Variants in KCNH5 observed in about 807,000 individuals in gnomAD.
The protein encoded by KCNH5 is potassium voltage-gated channel subfamily H member 5.
A neutral mutation model predicts 96.1 loss-of-function variants in KCNH5; 46 were observed. The observed-to-expected ratio is 0.48, with a 90% confidence interval of 0.38 to 0.61. The LOEUF is 0.61. Among genes scored for constraint, KCNH5 ranks in the 20% least tolerant of loss-of-function variants. The pLI is 0.00. For missense variants in KCNH5, 907 were observed against 1,225.8 expected (o/e 0.74, Z 3.88); for synonymous variants, 439 against 449.8 (o/e 0.98, Z 0.30).
At chr14:62,853,666 A>G (rs1489762382) in intron 7 of KCNH5, among the ~76,000 whole-genome samples, 2 of 151,310 alleles carry the variant, frequency 1.3e-5, no homozygotes, top group Non-Finnish European at 1.5e-5. Context: ...ACTCTTCTCC[A>G]TGATCCTCAC....
intron 7 of KCNH5, among the ~76,000 whole-genome samples, chr14:62,889,441 T>C (rs374407863): frequency 9.2e-5 from 14 of 152,278 alleles, no homozygotes; most frequent in African/African-American, 3.4e-4. Flanking sequence ...ATATCATGCA[T>C]GACAAAGCCA....
At chr14:63,039,345 G>A (rs1370776504) in intron 1 of KCNH5, among the ~76,000 whole-genome samples, 1 of 151,916 alleles carries the variant, frequency 6.6e-6, no homozygotes, top group African/African-American at 2.4e-5. Context: ...ATTTAGCTCT[G>A]TATTTAATTT....
chr14:62,858,700 G>T (rs1439430950), intron 7 of KCNH5, among the ~76,000 whole-genome samples: 1 of 152,144 alleles, frequency 6.6e-6, no homozygotes, highest in Non-Finnish European at 1.5e-5. Context: ...ATCCCTAGGG[G>T]TGATGGTGAA....
At chr14:62,806,924 G>A (rs946682920) in intron 8 of KCNH5, among the ~76,000 whole-genome samples, 1 of 152,072 alleles carries the variant, frequency 6.6e-6, no homozygotes, top group Non-Finnish European at 1.5e-5. Context: ...CAGGATTGTG[G>A]GATATGGGGA....
chr14:62,986,908 A>G (rs1297782404), intron 5 of KCNH5, among the ~76,000 whole-genome samples, 164 bp downstream of exon 5: 2 of 152,200 alleles, frequency 1.3e-5, no homozygotes, highest in Non-Finnish European at 2.9e-5. Flanking sequence ...GTTGGAGAGA[A>G]TGAATAGAAA....
intron 10 of KCNH5, among the ~76,000 whole-genome samples, chr14:62,732,798 C>A (rs1885078068): frequency 6.6e-6 from 1 of 152,146 alleles, no homozygotes; most frequent in Admixed American, 6.6e-5. Context: ...CTAGAGATGT[C>A]TCCATGGGCT....
intron 10 of KCNH5, among the ~76,000 whole-genome samples, chr14:62,761,090 C>T (rs1020423524): frequency 7.2e-5 from 11 of 152,152 alleles, no homozygotes; most frequent in African/African-American, 2.7e-4. Flanking sequence ...CAGGGTGGCT[C>T]ACCCCTGTAA....
rs2139956789 is a variant in KCNH5 at position 62,761,911 on chromosome 14, G to A, written c.2019+17817C>T. On this transcript the variant is annotated intron_variant, in intron 10 of 10. Coordinates refer to ENST00000322893, the MANE Select transcript of KCNH5 (RefSeq NM_139318.5). ...GGATGCAGACCCTGGGGTGAAGGGA[G>A]AGCAAGCTGGAAATCTTGCATGGGA... Among the ~76,000 whole-genome samples, 2 of 152,258 alleles carry A rather than the reference G, an allele frequency of 1.3e-5. 1 individual carries two copies. Among genetic ancestry groups the A allele is most frequent in the South Asian group, 4.1e-4 (2 of 4,822 alleles).
rs1232525985 is a variant in KCNH5, at chr14:62,707,498, T to C, written c.*10A>G. 1.5e-6 allele frequency: 2 copies of C among 1,313,192 alleles called. No individual in the cohort carries two copies. Among genetic ancestry groups the C allele is most frequent in the South Asian group, 4.2e-5 (2 of 47,772 alleles). 81.3% of individuals were successfully genotyped at this position (1,313,192 alleles called of 1,614,324 possible). A position where few individuals can be genotyped will look rare whatever the true frequency, so the allele number is the denominator to read the frequency against. Reference sequence around the variant, plus strand: ...GTTTTAATATATTAACAAATATATATGTATATATATTAAAAGTGGATTTCA... The same window carrying C: ...GTTTTAATATATTAACAAATATATACGTATATATATTAAAAGTGGATTTCA... On this transcript the variant is annotated 3_prime_UTR_variant, in exon 11 of 11. Transcript: ENST00000322893.
intron 10 of KCNH5, among the ~76,000 whole-genome samples, chr14:62,726,000 A>G (rs950831776): frequency 1.2e-4 from 18 of 152,350 alleles, no homozygotes; most frequent in African/African-American, 4.1e-4. Flanking sequence ...TGACTCACAC[A>G]TATTTGGACA....
chr14:62,872,146 A>G (rs1042503559), intron 7 of KCNH5, among the ~76,000 whole-genome samples: 1 of 152,182 alleles, frequency 6.6e-6, no homozygotes, highest in Non-Finnish European at 1.5e-5. Flanking sequence ...TCATTCATTC[A>G]TTGATTCTAC....
chr14:62,821,692 C>T (rs1672946012), intron 8 of KCNH5, among the ~76,000 whole-genome samples: 1 of 152,092 alleles, frequency 6.6e-6, no homozygotes, highest in South Asian at 2.1e-4. Context: ...TTTCATTATC[C>T]ATAAAAATAG....
intron 9 of KCNH5, among the ~76,000 whole-genome samples, chr14:62,794,395 T>C (rs554627135): frequency 1.3e-5 from 2 of 152,118 alleles, no homozygotes; most frequent in South Asian, 4.1e-4. Context: ...ATCATTTTTT[T>C]TTTTTGTAAT....
At chr14:62,739,337 T>C (rs1885223673) in intron 10 of KCNH5, among the ~76,000 whole-genome samples, 1 of 152,202 alleles carries the variant, frequency 6.6e-6, no homozygotes, top group South Asian at 2.1e-4. Flanking sequence ...TGAAAATATT[T>C]AGATCTTATT....
In KCNH5 at chr14:62,715,086, A is replaced by G. The variant is rs1446067431; in HGVS notation, c.2020-6631T>C. On this transcript the variant is annotated intron_variant, in intron 10 of 10. Transcript: ENST00000322893. ...TTATTTAAGTGATAAAAGCTTCTTAAACTTAACAGGGAACATGGCCAACTG... is the reference window on the plus strand; with the variant it reads ...TTATTTAAGTGATAAAAGCTTCTTAGACTTAACAGGGAACATGGCCAACTG... 2.0e-5 allele frequency among the ~76,000 whole-genome samples: 3 copies of G among 149,258 alleles called. No individual in the cohort carries two copies. In the East Asian group the frequency reaches 6.6e-4, roughly 33 times the overall value.
intron 7 of KCNH5, among the ~76,000 whole-genome samples, chr14:62,905,364 T>C (rs1889007707): frequency 6.6e-6 from 1 of 152,226 alleles, no homozygotes; most frequent in Admixed American, 6.5e-5. Context: ...AGGAGAGAAG[T>C]ATGCATGTTT....
chr14:62,878,137 T>C (rs927913315), intron 7 of KCNH5, among the ~76,000 whole-genome samples: 10 of 141,836 alleles, frequency 7.1e-5, no homozygotes, highest in South Asian at 2.1e-4. Context: ...TAGGTGGGAA[T>C]TGAACAATGA....
intron 10 of KCNH5, among the ~76,000 whole-genome samples, chr14:62,744,105 C>T (rs1451452126): frequency 6.6e-6 from 1 of 152,130 alleles, no homozygotes; most frequent in East Asian, 1.9e-4. Flanking sequence ...TGTATGACTA[C>T]TGATATTTTA....
intron 8 of KCNH5, among the ~76,000 whole-genome samples, chr14:62,826,549 T>G (rs895895857): frequency 3.3e-5 from 5 of 152,040 alleles, no homozygotes; most frequent in African/African-American, 9.7e-5. Flanking sequence ...TATCTTATAT[T>G]TACTATGTTA....
Sources: allele counts gnomAD v4.1 joint callset (sites outside exome capture counted in the v4.1 genomes callset), GRCh38; gene constraint gnomAD v4.1.1; transcripts MANE v1.5; gene names NCBI Gene and HGNC (gene_info 2026-07-23, HGNC 2026-07-21).